SGCZ: variants seen among roughly 807,000 people sequenced by gnomAD.
The protein encoded by SGCZ is sarcoglycan zeta.
Under a neutral mutation model 41.3 loss-of-function variants are expected in SGCZ, and 40 were observed. That is an observed-to-expected ratio of 0.97 (90% confidence interval 0.75 to 1.26). The LOEUF (loss-of-function observed/expected upper bound fraction) is 1.26, where lower values mean the gene tolerates loss of function less well. SGCZ is among the 50% of genes most tolerant of loss of function. The probability of loss-of-function intolerance (pLI) is 0.00; values close to 1 mark genes in which losing one functional copy is unlikely to be tolerated. For missense variants in SGCZ, 552 were observed against 369.8 expected, an observed-to-expected ratio of 1.49 and a Z score of -4.04; for synonymous variants, 206 against 137.5, an observed-to-expected ratio of 1.50 and a Z score of -3.49.
rs28720720 is a variant in SGCZ at position 14,827,340 on chromosome 8, G to A, written c.40-272414C>T. 6.0e-3 allele frequency among the ~76,000 whole-genome samples: 902 copies of A among 150,588 alleles called. 14 individuals are homozygous for A. Among genetic ancestry groups the A allele is most frequent in the African/African-American group, 0.021 (864 of 41,002 alleles). ...CAACTTCTGTCTCCCAGGTTCAAGC[G>A]ATTCTTCTGCCTCAGCCTCCCAAGT... On this transcript the variant is annotated intron_variant, in intron 1 of 7. Coordinates refer to ENST00000382080, the MANE Select transcript of SGCZ (RefSeq NM_139167.4).
rs112353882 is a variant in SGCZ at position 14,802,634 on chromosome 8, A to T, written c.40-247708T>A. Among the ~76,000 whole-genome samples, 474 of 152,162 alleles carry T rather than the reference A, an allele frequency of 3.1e-3. 4 individuals carry two copies. Among genetic ancestry groups the T allele is most frequent in the African/African-American group, 0.011 (447 of 41,514 alleles). On this transcript the variant is annotated intron_variant, in intron 1 of 7. Coordinates refer to ENST00000382080, the MANE Select transcript of SGCZ (RefSeq NM_139167.4). The stretch of plus-strand genomic sequence containing the variant: ...AGAGAGACAGAGAGAGAAACACACA[A>T]ATATATATATATTTTCCAAAAATGA...
chr8:15,098,035 T>G (rs1320313176), intron 1 of SGCZ, among the ~76,000 whole-genome samples: 1 of 151,550 alleles, frequency 6.6e-6, no homozygotes, highest in East Asian at 1.9e-4. Context: ...GGAATTAAAC[T>G]GGTGTTGTAA....
chr8:14,311,081 T>C (rs1381859832), intron 3 of SGCZ, among the ~76,000 whole-genome samples: 1 of 152,122 alleles, frequency 6.6e-6, no homozygotes, highest in African/African-American at 2.4e-5. Flanking sequence ...TAAATAATTT[T>C]TTTTCTTACA....
At chr8:14,367,878 A>G (rs1265585551) in intron 2 of SGCZ, among the ~76,000 whole-genome samples, 1 of 152,044 alleles carries the variant, frequency 6.6e-6, no homozygotes, top group East Asian at 1.9e-4. Flanking sequence ...ATGTCACTTA[A>G]TAATGCTTGC....
At chr8:14,831,594 G>T (rs1319420493) in intron 1 of SGCZ, among the ~76,000 whole-genome samples, 1 of 115,260 alleles carries the variant, frequency 8.7e-6, no homozygotes, top group Non-Finnish European at 1.7e-5. Flanking sequence ...GTCTACAAGT[G>T]TGTTTGTGTG....
At chr8:14,188,048 C>G (rs186074294) in intron 4 of SGCZ, among the ~76,000 whole-genome samples, 1 of 151,904 alleles carries the variant, frequency 6.6e-6, no homozygotes, top group East Asian at 1.9e-4. Context: ...TCAAAGTGTT[C>G]AGATTTAAAA....
At chr8:14,164,741 G>C (rs546646533) in intron 4 of SGCZ, 39 bp from the exon 5 acceptor site, 3 of 1,604,986 alleles carry the variant, frequency 1.9e-6, no homozygotes, top group Admixed American at 1.7e-5. Flanking sequence ...AAACTGGTAT[G>C]CAGGAAACCA....
intron 2 of SGCZ, among the ~76,000 whole-genome samples, chr8:14,439,215 A>G (rs1800175551): frequency 6.6e-6 from 1 of 151,680 alleles, no homozygotes; most frequent in African/African-American, 2.4e-5. Flanking sequence ...GATTTTTTGT[A>G]AGATCATTAG....
At chr8:14,361,192 A>C (rs1017971558) in intron 2 of SGCZ, among the ~76,000 whole-genome samples, 7 of 152,092 alleles carry the variant, frequency 4.6e-5, no homozygotes, top group Non-Finnish European at 1.0e-4. Flanking sequence ...TGGTCATTTT[A>C]TCAAACATGT....
At chr8:14,852,957 A>G (rs1563316101) in intron 1 of SGCZ, among the ~76,000 whole-genome samples, 3 of 152,192 alleles carry the variant, frequency 2.0e-5, no homozygotes, top group Non-Finnish European at 2.9e-5. Flanking sequence ...AATGGAAAAC[A>G]CTGTTGAGAT....
At chr8:14,861,515 C>G (rs1803745959) in intron 1 of SGCZ, among the ~76,000 whole-genome samples, 1 of 152,016 alleles carries the variant, frequency 6.6e-6, no homozygotes, top group African/African-American at 2.4e-5. Context: ...GCCTCTAAAA[C>G]TGGCATTGCA....
At chr8:14,779,865 T>C (rs1452487046) in intron 1 of SGCZ, among the ~76,000 whole-genome samples, 1 of 152,202 alleles carries the variant, frequency 6.6e-6, no homozygotes, top group Non-Finnish European at 1.5e-5. Context: ...TGCATTTAAT[T>C]AAATTGTTTA....
At chr8:15,210,360 A>G (rs1412245780) in intron 1 of SGCZ, among the ~76,000 whole-genome samples, 1 of 152,082 alleles carries the variant, frequency 6.6e-6, no homozygotes, top group Non-Finnish European at 1.5e-5. Context: ...CTCCCAATAC[A>G]TTATCCCATA....
intron 1 of SGCZ, among the ~76,000 whole-genome samples, chr8:15,233,617 G>A (rs1004633581): frequency 6.6e-6 from 1 of 151,962 alleles, no homozygotes; most frequent in Non-Finnish European, 1.5e-5. Flanking sequence ...CAATTAAGCA[G>A]AGAAAAATGA....
chr8:14,278,158 T>G (rs915710271), intron 3 of SGCZ, among the ~76,000 whole-genome samples: 1 of 152,086 alleles, frequency 6.6e-6, no homozygotes, highest in Non-Finnish European at 1.5e-5. Context: ...TCATTCTCCC[T>G]AAAAATTACT....
chr8:14,921,865 A>T (rs1192149063), intron 1 of SGCZ, among the ~76,000 whole-genome samples: 1 of 152,212 alleles, frequency 6.6e-6, no homozygotes, highest in Non-Finnish European at 1.5e-5. Context: ...GAAAGACAAG[A>T]TAAGAAAATA....
At chr8:15,152,304 A>G (rs9643996) in intron 1 of SGCZ, among the ~76,000 whole-genome samples, 50,414 of 152,160 alleles carry the variant, frequency 0.33, 10,587 homozygotes, top group Non-Finnish European at 0.45. Context: ...AAAAATATGT[A>G]AAAACAAGGA....
intron 1 of SGCZ, among the ~76,000 whole-genome samples, chr8:14,581,112 ATTTG>A (rs910338005): frequency 6.6e-6 from 1 of 151,914 alleles, no homozygotes; most frequent in African/African-American, 2.4e-5. Context: ...TTTTTTATTT[ATTTG>A]TTTATTTTTG....
At chr8:14,223,313 G>C (rs1241068345) in intron 4 of SGCZ, among the ~76,000 whole-genome samples, 1 of 151,744 alleles carries the variant, frequency 6.6e-6, no homozygotes, top group Admixed American at 6.6e-5. Context: ...AGAATACTTT[G>C]GAAACATTTC....
Sources: gnomAD v4.1 joint callset for allele counts (sites outside exome capture counted in the v4.1 genomes callset) on GRCh38, gnomAD v4.1.1 for gene constraint, MANE v1.5 for transcripts, NCBI Gene and HGNC (gene_info 2026-07-23, HGNC 2026-07-21) for gene names.